Variants in CAMTA1 observed in about 807,000 individuals in gnomAD.
CAMTA1 encodes the protein calmodulin binding transcription activator 1.
CAMTA1 carries 27 observed loss-of-function variants against 170.9 expected under a neutral mutation model. The ratio of observed to expected loss-of-function variants is 0.16; its 90% confidence interval spans 0.12 to 0.22. The LOEUF is 0.22. Among genes scored for constraint, CAMTA1 ranks in the 10% least tolerant of loss-of-function variants. The pLI is 1.00. For synonymous variants in CAMTA1, 833 were observed against 891.5 expected, an observed-to-expected ratio of 0.93 and a Z score of 1.17; for missense variants, 1,619 against 2,217.2, an observed-to-expected ratio of 0.73 and a Z score of 5.42.
At chr1:7,448,857 C>G (rs952516152) in intron 5 of CAMTA1, among the ~76,000 whole-genome samples, 6 of 152,228 alleles carry the variant, frequency 3.9e-5, no homozygotes, top group Non-Finnish European at 8.8e-5. Flanking sequence ...TTTGGGGACA[C>G]AAAAACATTC....
intron 5 of CAMTA1, among the ~76,000 whole-genome samples, chr1:7,262,785 C>T (rs1668365240): frequency 6.6e-6 from 1 of 152,142 alleles, no homozygotes; most frequent in South Asian, 2.1e-4. Flanking sequence ...CACAGTAAGG[C>T]TTGGTGTGTG....
rs1012888985 is a variant in CAMTA1 at position 7,157,694 on chromosome 1, T to C, written c.302+66323T>C. On this transcript the variant is annotated intron_variant, in intron 4 of 22. Transcript: ENST00000303635. ...GACCCAGCAATTCCTCTCTTGGACA[T>C]CTACCAAGAGAAATGAAAACATATG... Among the ~76,000 whole-genome samples, 3 of 152,302 alleles carry C rather than the reference T, an allele frequency of 2.0e-5. No individual in the cohort carries two copies. The South Asian group carries it at 6.2e-4, about 32-fold the overall frequency.
In CAMTA1 at chr1:6,922,472, A is replaced by G. The variant is rs138253914; in HGVS notation, c.234+97262A>G. Among the ~76,000 whole-genome samples, 81 of 152,192 alleles carry G rather than the reference A, an allele frequency of 5.3e-4. 1 individual carries two copies. The East Asian group carries it at 0.011, about 21-fold the overall frequency. ...GGCTGTCATCTTAAAGGCTTCTCTG[A>G]GTGGGTCTGGGAAGATGCAAGCATT... On this transcript the variant is annotated intron_variant, in intron 3 of 22. Transcript: ENST00000303635.
At chr1:7,420,282 C>T in intron 5 of CAMTA1, among the ~76,000 whole-genome samples, 1 of 142,820 alleles carries the variant, frequency 7.0e-6, no homozygotes, top group Non-Finnish European at 1.5e-5. Context: ...GTTCCATCAC[C>T]CCAGCGGAGA....
In CAMTA1 at chr1:6,948,189, C is replaced by T. The variant is rs142852663; in HGVS notation, c.234+122979C>T. ...AAGTTGCCCAAGGGTGTGTTACAGC[C>T]GAAGAGCTGTGGGGCCAGGCCAGAA... On this transcript the variant is annotated intron_variant, in intron 3 of 22. Coordinates refer to ENST00000303635, the MANE Select transcript of CAMTA1 (RefSeq NM_015215.4). Among the ~76,000 whole-genome samples the T allele has an allele frequency of 5.3e-5, 8 of 152,246 alleles. No homozygotes were observed. The East Asian group carries it at 1.2e-3, about 22-fold the overall frequency.
At chr1:7,022,514 C>T (rs1462851037) in intron 3 of CAMTA1, among the ~76,000 whole-genome samples, 1 of 152,182 alleles carries the variant, frequency 6.6e-6, no homozygotes, top group Non-Finnish European at 1.5e-5. Context: ...TTGGTCAGTT[C>T]TTGGTTTCCA....
intron 5 of CAMTA1, among the ~76,000 whole-genome samples, chr1:7,362,577 G>A (rs2085627419): frequency 6.6e-6 from 1 of 151,840 alleles, no homozygotes; most frequent in Non-Finnish European, 1.5e-5. Flanking sequence ...GGGTAGTGGT[G>A]GTGGCTTTGG....
At chr1:7,201,799 C>T (rs564389627) in intron 4 of CAMTA1, among the ~76,000 whole-genome samples, 23 of 151,954 alleles carry the variant, frequency 1.5e-4, no homozygotes, top group Non-Finnish European at 2.6e-4. Context: ...AGTTCTTTAT[C>T]AGATATATAA....
In CAMTA1 at chr1:7,435,944, A is replaced by C. The variant is rs1186514331; in HGVS notation, c.439-31886A>C. Among the ~76,000 whole-genome samples the C allele has an allele frequency of 6.6e-6, 1 of 152,112 alleles. No individual in the cohort carries two copies. The highest frequency in any genetic ancestry group is 1.5e-5 in the Non-Finnish European group (1 of 68,010). On this transcript the variant is annotated intron_variant, in intron 5 of 22. Coordinates refer to ENST00000303635, the MANE Select transcript of CAMTA1 (RefSeq NM_015215.4). This position sits in a 1 kb window ranked among gnomAD's most constrained non-coding sequence, Gnocchi z 4.4. ...TCTTAGGTACAAGAGGCACCTCAGG[A>C]GCAGAGGAGGGAGCTGGGAAGCTCC...
At chr1:6,799,178 C>G (rs1328889145) in intron 1 of CAMTA1, among the ~76,000 whole-genome samples, 1 of 152,226 alleles carries the variant, frequency 6.6e-6, no homozygotes, top group Non-Finnish European at 1.5e-5. Flanking sequence ...AGTGATCCTC[C>G]TGCCTCAGCC....
chr1:7,640,655 C>G, intron 7 of CAMTA1, 102 bp downstream of exon 7: 1 of 1,354,110 alleles, frequency 7.4e-7, no homozygotes, highest in Non-Finnish European at 1.0e-6. Context: ...GATGCGGGTC[C>G]GGAGCCCCAT....
chr1:7,021,997 G>A (rs866960108), intron 3 of CAMTA1, among the ~76,000 whole-genome samples: 5 of 152,180 alleles, frequency 3.3e-5, no homozygotes, highest in Non-Finnish European at 1.5e-5. Context: ...GGGAGGGTAA[G>A]CAAAGTGACC....
At chr1:6,937,125 A>G (rs1213707558) in intron 3 of CAMTA1, among the ~76,000 whole-genome samples, 4 of 150,114 alleles carry the variant, frequency 2.7e-5, no homozygotes, top group African/African-American at 9.8e-5. Context: ...ACCATTCACC[A>G]TTTACCACCA....
chr1:7,524,344 G>A (rs181942779), intron 6 of CAMTA1, among the ~76,000 whole-genome samples: 12 of 152,300 alleles, frequency 7.9e-5, no homozygotes, highest in Non-Finnish European at 8.8e-5. Flanking sequence ...GTATCCTCCA[G>A]CTTTACTGGA....
intron 6 of CAMTA1, among the ~76,000 whole-genome samples, chr1:7,522,205 TA>T (rs1393794922): frequency 1.3e-5 from 2 of 152,226 alleles, no homozygotes; most frequent in African/African-American, 4.8e-5. Context: ...AGGTATGTAG[TA>T]ATGTCTCATT....
chr1:7,334,739 G>A (rs2083245276), intron 5 of CAMTA1, among the ~76,000 whole-genome samples: 1 of 152,202 alleles, frequency 6.6e-6, no homozygotes, highest in African/African-American at 2.4e-5. Flanking sequence ...GGAAGAGGCT[G>A]ACGGTGTCTG....
chr1:7,759,401 C>T (rs1362828825), intron 22 of CAMTA1, among the ~76,000 whole-genome samples: 1 of 152,174 alleles, frequency 6.6e-6, no homozygotes, highest in Non-Finnish European at 1.5e-5. Context: ...ATATTTTTCA[C>T]TGAGTACAGC....
At chr1:7,298,899 C>T (rs1183843982) in intron 5 of CAMTA1, among the ~76,000 whole-genome samples, 2 of 152,120 alleles carry the variant, frequency 1.3e-5, no homozygotes, top group Non-Finnish European at 2.9e-5. Flanking sequence ...CAACATTTCA[C>T]CCTTCCTTCC....
At chr1:6,856,277 GT>G (rs765416471) in intron 3 of CAMTA1, among the ~76,000 whole-genome samples, 67 of 122,912 alleles carry the variant, frequency 5.5e-4, no homozygotes, top group South Asian at 8.0e-4. Flanking sequence ...TGGAACCAGT[GT>G]TTTTTTTTTT....
Sources: allele counts gnomAD v4.1 joint callset (sites outside exome capture counted in the v4.1 genomes callset), GRCh38; gene constraint gnomAD v4.1.1; non-coding constraint Gnocchi (gnomAD v3.1); transcripts MANE v1.5; gene names NCBI Gene and HGNC (gene_info 2026-07-23, HGNC 2026-07-21).